The following R3HDM2 variants were observed in gnomAD, a reference collection of about 807,000 sequenced individuals.
R3HDM2 encodes R3H domain containing 2.
A neutral mutation model predicts 124.5 loss-of-function variants in R3HDM2; 38 were observed. The observed-to-expected ratio is 0.31, with a 90% CI of 0.24 to 0.40. The LOEUF (loss-of-function observed/expected upper bound fraction) is 0.40. Among genes scored for constraint, R3HDM2 ranks in the 10% least tolerant of loss-of-function variants. R3HDM2 has a pLI of 1.00. For synonymous variants in R3HDM2, 391 were observed against 448.0 expected, an observed-to-expected ratio of 0.87 and a Z score of 1.61; for missense variants, 869 against 1,236.9, an observed-to-expected ratio of 0.70 and a Z score of 4.46.
At chr12:57,329,255 G>A (rs1367159607) in intron 2 of R3HDM2, among the ~76,000 whole-genome samples, 1 of 151,872 alleles carries the variant, frequency 6.6e-6, no homozygotes, top group Non-Finnish European at 1.5e-5. Context: ...GTGAATGAGG[G>A]GTAAAACCTA....
intron 2 of R3HDM2, among the ~76,000 whole-genome samples, chr12:57,377,980 C>T (rs1422485033): frequency 6.6e-5 from 10 of 152,058 alleles, no homozygotes; most frequent in African/African-American, 1.9e-4. Context: ...CCCAGCTACG[C>T]GGGAGGCTGA....
chr12:57,257,121 C>CTTT (rs2039300292), intron 21 of R3HDM2, among the ~76,000 whole-genome samples: 1 of 152,038 alleles, frequency 6.6e-6, no homozygotes, highest in South Asian at 2.1e-4. Flanking sequence ...GCCCGGCTGT[C>CTTT]TTTTATCTCT....
chr12:57,320,551 G>A (rs2056265091), intron 2 of R3HDM2, among the ~76,000 whole-genome samples: 1 of 152,074 alleles, frequency 6.6e-6, no homozygotes, highest in South Asian at 2.1e-4. Context: ...TCAAAGGCAA[G>A]ATGTCTCCTG....
chr12:57,379,671 A>G (rs1396114833), intron 2 of R3HDM2, among the ~76,000 whole-genome samples: 1 of 152,104 alleles, frequency 6.6e-6, no homozygotes, highest in Non-Finnish European at 1.5e-5. Context: ...TTACTCTCAG[A>G]TAGCTCTGAC....
rs1335007063 is a variant in R3HDM2, at chr12:57,300,061, G to A, written c.294+34C>T. 1.2e-5 allele frequency: 18 copies of A among 1,486,396 alleles called. No individual in the cohort carries two copies. The Admixed American group carries it at 1.8e-4, about 15-fold the overall frequency. The allele number at this position is 1,486,396 out of a possible 1,614,324, so 92.1% of individuals were successfully genotyped here. A position where few individuals can be genotyped will look rare whatever the true frequency, so the allele number is the denominator to read the frequency against. On this transcript the variant is annotated intron_variant, in intron 5 of 23. Transcript: ENST00000402412. ...ACATCTTACCAAACAACTGCCAAGC[G>A]CAAAAGCTACACTTACTCCTGCAAA...
chr12:57,338,552 G>A (rs868701659), intron 2 of R3HDM2, among the ~76,000 whole-genome samples: 1 of 152,094 alleles, frequency 6.6e-6, no homozygotes, highest in African/African-American at 2.4e-5. Context: ...ACCACGCCCA[G>A]CTAATTTATT....
chr12:57,367,101 C>A (rs1238409424), intron 2 of R3HDM2, among the ~76,000 whole-genome samples: 2 of 152,140 alleles, frequency 1.3e-5, no homozygotes, highest in Non-Finnish European at 2.9e-5. Context: ...AATTTGGTAT[C>A]ACTACTGAGG....
chr12:57,426,960 C>G (rs1364835085), intron 1 of R3HDM2, among the ~76,000 whole-genome samples: 1 of 152,154 alleles, frequency 6.6e-6, no homozygotes. Flanking sequence ...TACTGAACAT[C>G]AAGTGCTGTG....
intron 22 of R3HDM2, 139 bp downstream of exon 22, chr12:57,256,275 A>C: frequency 1.1e-6 from 1 of 887,018 alleles, no homozygotes; most frequent in South Asian, 1.7e-5. Context: ...AGACATGAGT[A>C]TAGGAGGTAG....
At position 57,429,799 on chromosome 12, in the gene R3HDM2, CAAA is replaced by C. The variant is rs538979053; in HGVS notation, c.-106+918_-106+920del. Among the ~76,000 whole-genome samples the C allele has an allele frequency of 2.9e-3, 432 of 151,068 alleles. 11 individuals are homozygous for C. The highest frequency in any genetic ancestry group is 0.027 in the Admixed American group (403 of 15,114). ...GGGGGGAATATTGGTGGAACAACAA[CAAA>C]AAAAAGCATTAGGAAGAAGAGCCAC... On this transcript the variant is annotated intron_variant, in intron 1 of 23. Transcript: ENST00000402412.
chr12:57,257,399 TAA>T (rs2039395957), intron 21 of R3HDM2, among the ~76,000 whole-genome samples: 1 of 152,252 alleles, frequency 6.6e-6, no homozygotes, highest in Non-Finnish European at 1.5e-5. Flanking sequence ...CTATTATTGA[TAA>T]ATATTACATT....
chr12:57,267,834 G>A (rs1187807279), intron 18 of R3HDM2, among the ~76,000 whole-genome samples: 1 of 152,142 alleles, frequency 6.6e-6, no homozygotes, highest in Non-Finnish European at 1.5e-5. Flanking sequence ...AACAAGGGGA[G>A]TGGACTAGAT....
chr12:57,407,023 C>T (rs982131146), intron 1 of R3HDM2, among the ~76,000 whole-genome samples: 3 of 151,956 alleles, frequency 2.0e-5, no homozygotes, highest in Non-Finnish European at 2.9e-5. Context: ...CCAAGGCGGG[C>T]GGATTGCTTG....
intron 14 of R3HDM2, 152 bp from the exon 15 acceptor site, chr12:57,270,146 T>C (rs1005148393): frequency 1.1e-6 from 1 of 936,938 alleles, no homozygotes; most frequent in African/African-American, 1.6e-5. Context: ...ATGAATTGAA[T>C]AGCTGTTGAA....
chr12:57,328,610 G>C (rs1188328497), intron 2 of R3HDM2, among the ~76,000 whole-genome samples: 1 of 152,122 alleles, frequency 6.6e-6, no homozygotes, highest in African/African-American at 2.4e-5. Flanking sequence ...CAATCATAGT[G>C]TCCCACAGCC....
At chr12:57,316,665 AACCTCC>A (rs1456503607) in intron 2 of R3HDM2, among the ~76,000 whole-genome samples, 3 of 148,568 alleles carry the variant, frequency 2.0e-5, no homozygotes, top group Non-Finnish European at 4.4e-5. Flanking sequence ...GGCTTACTGC[AACCTCC>A]ACCTCCCAGG....
intron 2 of R3HDM2, among the ~76,000 whole-genome samples, chr12:57,374,416 G>A (rs2063760573): frequency 1.3e-5 from 2 of 151,840 alleles, no homozygotes; most frequent in African/African-American, 4.8e-5. Context: ...CAGGCCGGGC[G>A]TGGTGGCTCA....
chr12:57,316,582 CTT>C (rs761496804), intron 2 of R3HDM2, among the ~76,000 whole-genome samples: 167 of 100,098 alleles, frequency 1.7e-3, no homozygotes, highest in African/African-American at 3.9e-3. Context: ...TGCATCCATC[CTT>C]TTTTTTTTTT....
chr12:57,306,324 C>T (rs531005347), intron 3 of R3HDM2, among the ~76,000 whole-genome samples: 1 of 152,238 alleles, frequency 6.6e-6, no homozygotes, highest in East Asian at 1.9e-4. Flanking sequence ...ATTTCACAAC[C>T]ACCTTTCTAA....
Sources: allele counts gnomAD v4.1 joint callset (sites outside exome capture counted in the v4.1 genomes callset), GRCh38; gene constraint gnomAD v4.1.1; transcripts MANE v1.5; gene names NCBI Gene and HGNC (gene_info 2026-07-23, HGNC 2026-07-21).